Variants in LPP observed in about 807,000 individuals in gnomAD.
LPP encodes the protein LIM domain containing preferred translocation partner in lipoma.
A neutral mutation model predicts 60.4 loss-of-function variants in LPP; 38 were observed. The observed-to-expected ratio is 0.63, with a 90% CI of 0.49 to 0.83. The LOEUF is 0.83. Among genes scored for constraint, LPP ranks in the 40% least tolerant of loss-of-function variants. LPP has a pLI of 0.00. For synonymous variants in LPP, 328 were observed against 290.8 expected (o/e 1.13, Z -1.30); for missense variants, 902 against 783.6 (o/e 1.15, Z -1.80).
intron 9 of LPP, among the ~76,000 whole-genome samples, chr3:188,793,906 C>A (rs1303969943): frequency 2.0e-5 from 3 of 152,036 alleles, no homozygotes; most frequent in Non-Finnish European, 4.4e-5. Flanking sequence ...GGACACAAGT[C>A]CTTGCCTTAG....
intron 7 of LPP, among the ~76,000 whole-genome samples, chr3:188,673,773 G>A (rs138717637): frequency 2.6e-4 from 40 of 152,288 alleles, no homozygotes; most frequent in Admixed American, 8.5e-4. Flanking sequence ...GGAAGGAGAG[G>A]CGGGACTTAT....
At position 188,694,697 on chromosome 3, in the gene LPP, CA is replaced by C. The variant is rs1346492955; in HGVS notation, c.1114-13557del. Among the ~76,000 whole-genome samples the C allele has an allele frequency of 9.9e-4, 112 of 112,574 alleles. 1 individual carries two copies. Among genetic ancestry groups the C allele is most frequent in the African/African-American group, 1.5e-3 (51 of 33,954 alleles). The allele number at this position is 112,574 out of a possible 152,430, so 73.9% of individuals were successfully genotyped here. A position where few individuals can be genotyped will look rare whatever the true frequency, so the allele number is the denominator to read the frequency against. The stretch of plus-strand genomic sequence containing the variant: ...GAGCAACAAGAGTGAAACTCCATCT[CA>C]AAAAAAAAAAAATAAATAAAAACTA... On this transcript the variant is annotated intron_variant, in intron 7 of 11. Coordinates refer to ENST00000617246, the MANE Select transcript of LPP (RefSeq NM_001375462.1).
chr3:188,600,815 G>GT (rs141954825), intron 6 of LPP, among the ~76,000 whole-genome samples: 7,236 of 151,294 alleles, frequency 0.048, 232 homozygotes, highest in African/African-American at 0.093. Context: ...TTTGTTTTTT[G>GT]TTTTTTGTTT....
intron 9 of LPP, among the ~76,000 whole-genome samples, chr3:188,823,487 A>G (rs1019652648): frequency 1.2e-4 from 18 of 152,216 alleles, no homozygotes; most frequent in Non-Finnish European, 1.5e-5. Context: ...GGGGAGCAGA[A>G]AAAAACAAAC....
chr3:188,259,799 C>T (rs1173927694), intron 2 of LPP, among the ~76,000 whole-genome samples: 1 of 152,126 alleles, frequency 6.6e-6, no homozygotes, highest in Admixed American at 6.5e-5. Context: ...GGCGTAAAAT[C>T]CGGTGACCTA....
intron 1 of LPP, chr3:188,180,464 C>CTCCT (rs1323761649): frequency 1.3e-5 from 2 of 154,532 alleles, no homozygotes; most frequent in East Asian, 3.9e-4. Flanking sequence ...AATGTTCTGT[C>CTCCT]TCCTCTTTCT....
intron 8 of LPP, among the ~76,000 whole-genome samples, chr3:188,742,659 G>C (rs1293576127): frequency 6.6e-6 from 1 of 152,096 alleles, no homozygotes; most frequent in African/African-American, 2.4e-5. Flanking sequence ...CTGGGAGTGG[G>C]GAAAGGATTG....
intron 1 of LPP, among the ~76,000 whole-genome samples, chr3:188,161,604 C>T (rs529601643): frequency 6.4e-4 from 97 of 152,262 alleles, no homozygotes; most frequent in African/African-American, 2.2e-3. Flanking sequence ...AGGGACAGAG[C>T]TGCTCAATCA....
At chr3:188,848,432 T>A (rs1259712361) in intron 9 of LPP, among the ~76,000 whole-genome samples, 10 of 152,208 alleles carry the variant, frequency 6.6e-5, no homozygotes. Context: ...CCACTGATAT[T>A]CATGTCGCAC....
chr3:188,669,440 G>A (rs1169669458), intron 7 of LPP, among the ~76,000 whole-genome samples: 4 of 152,126 alleles, frequency 2.6e-5, no homozygotes, highest in Non-Finnish European at 5.9e-5. Flanking sequence ...GCTGGGCGTG[G>A]TGGCGGGCAC....
chr3:188,191,042 C>G (rs1728027807), intron 1 of LPP, among the ~76,000 whole-genome samples: 1 of 152,128 alleles, frequency 6.6e-6, no homozygotes, highest in African/African-American at 2.4e-5. Context: ...CCAGCCTGGC[C>G]AACATGGTGA....
rs909875082 is a variant in LPP at position 188,760,278 on chromosome 3, A to G, written c.1406A>G (p.Tyr469Cys). The change falls in exon 9 of 12, where the codon TAC (tyrosine) becomes TGC (cysteine). Residue 469 changes from tyrosine (Y) to cysteine (C), a missense_variant. By Grantham distance (194) the Tyr-to-Cys change is radical (BLOSUM62 -2). Coordinates refer to ENST00000617246, the MANE Select transcript of LPP (RefSeq NM_001375462.1). ...AAGAAAGCATACTGCGAGCCCTGCT[A>G]CATTGTAAGTTCCAGATTTGTTCCT... ...VEKKAYCEPC[Y>C]INTLEQCNVC... is the part of the protein sequence containing the mutation. 6.2e-7 allele frequency: 1 copy of G among 1,613,958 alleles called. No individual in the cohort carries two copies. The highest frequency in any genetic ancestry group is 8.5e-7 in the Non-Finnish European group (1 of 1,179,984).
chr3:188,179,116 G>GAGAGAGA (rs371121146), intron 1 of LPP: 87 of 354,648 alleles, frequency 2.5e-4, no homozygotes, highest in Non-Finnish European at 3.9e-4. Context: ...GAGAGAGAGA[G>GAGAGAGA]GTTTTGAGAG....
At chr3:188,337,972 C>T (rs905841907) in intron 2 of LPP, among the ~76,000 whole-genome samples, 13 of 152,302 alleles carry the variant, frequency 8.5e-5, no homozygotes, top group Non-Finnish European at 1.5e-4. Context: ...GCTCAGAATT[C>T]CTAAAGTCTC....
intron 2 of LPP, among the ~76,000 whole-genome samples, chr3:188,233,392 C>A (rs1306093812): frequency 6.6e-6 from 1 of 152,206 alleles, no homozygotes; most frequent in Non-Finnish European, 1.5e-5. Flanking sequence ...GTCTCTGGGA[C>A]CTGCTCAGCT....
chr3:188,586,321 A>G (rs1837433659), intron 6 of LPP, among the ~76,000 whole-genome samples: 2 of 152,182 alleles, frequency 1.3e-5, no homozygotes, highest in Non-Finnish European at 2.9e-5. Flanking sequence ...AAATGTAGTA[A>G]TGAAACAATG....
chr3:188,203,928 A>G (rs1732416157), intron 1 of LPP, among the ~76,000 whole-genome samples: 1 of 152,116 alleles, frequency 6.6e-6, no homozygotes, highest in Non-Finnish European at 1.5e-5. Flanking sequence ...TTAAGCATTT[A>G]AAAAGAGGAG....
chr3:188,763,200 C>T (rs1399490710), intron 9 of LPP, among the ~76,000 whole-genome samples: 1 of 151,876 alleles, frequency 6.6e-6, no homozygotes, highest in Non-Finnish European at 1.5e-5. Context: ...AAAAGGTATT[C>T]CATACAAACC....
intron 4 of LPP, among the ~76,000 whole-genome samples, chr3:188,448,802 T>C (rs1795934714): frequency 6.6e-6 from 1 of 152,246 alleles, no homozygotes; most frequent in African/African-American, 2.4e-5. Flanking sequence ...TGAGGCTTTT[T>C]ATGTTCATAA....
Sources: allele counts gnomAD v4.1 joint callset (sites outside exome capture counted in the v4.1 genomes callset), GRCh38; gene constraint gnomAD v4.1.1; transcripts MANE v1.5; gene names NCBI Gene and HGNC (gene_info 2026-07-23, HGNC 2026-07-21).